SEMA5B: variants seen among roughly 807,000 people sequenced by gnomAD.
SEMA5B encodes semaphorin-5B.
A neutral mutation model predicts 135.0 loss-of-function variants in SEMA5B; 66 were observed. The observed-to-expected ratio is 0.49, with a 90% CI of 0.40 to 0.60. The LOEUF (loss-of-function observed/expected upper bound fraction) is 0.60, where lower values mean the gene tolerates loss of function less well. SEMA5B is among the 20% of genes least tolerant of loss of function. SEMA5B has a pLI of 0.00. For synonymous variants in SEMA5B, 690 were observed against 639.5 expected, an observed-to-expected ratio of 1.08 and a Z score of -1.19; for missense variants, 1,501 against 1,566.3, an observed-to-expected ratio of 0.96 and a Z score of 0.70.
Position 122,912,029 on chromosome 3 carries a change from G to T in SEMA5B, c.2937C>A (p.Asp979Glu). Reference sequence around the variant, plus strand: ...GCCGGCTTCGGCTCTGGGCTCCGTCGTCAGTGCACTTACTCCACTCAGACC... The same window carrying T: ...GCCGGCTTCGGCTCTGGGCTCCGTCTTCAGTGCACTTACTCCACTCAGACC... Reference protein sequence around the residue: ...SPWSEWSKCTDDGAQSRSRHC... With the variant: ...SPWSEWSKCTEDGAQSRSRHC... Residue 979 changes from aspartate to glutamate, a missense_variant, in exon 20 of 23, where the codon GAC (aspartate) becomes GAA (glutamate). Coordinates refer to ENST00000357599, the MANE Select transcript of SEMA5B (RefSeq NM_001031702.4). The T allele has an allele frequency of 6.2e-7, 1 of 1,613,826 alleles. No homozygotes were observed. The highest frequency in any genetic ancestry group is 1.3e-5 in the African/African-American group (1 of 75,050).
At position 122,922,036 on chromosome 3, in the gene SEMA5B, C is replaced by A. The variant is rs1349555736; in HGVS notation, c.1567G>T (p.Gly523Trp). Residue 523 changes from glycine to tryptophan, a missense_variant, in exon 12 of 23, where the codon GGG becomes TGG. Gly to Trp is a radical substitution (Grantham distance 184). Around this residue, in one of 2 missense-constraint regions of SEMA5B, gnomAD observed 927 missense variants for 881.6 expected, o/e 1.05. Coordinates refer to ENST00000357599, the MANE Select transcript of SEMA5B (RefSeq NM_001031702.4). The part of the protein sequence containing the change: ...YLEELHVLPP[G>W]RREPLRSLRI... ...AGGCTGCGCAGGGGCTCGCGGCGCC[C>A]GGGGGGCAGCACGTGCAGCTCCTCC... 5.3e-6 allele frequency: 8 copies of A among 1,496,656 alleles called. No individual in the cohort carries two copies. In the South Asian group the frequency reaches 9.3e-5, roughly 17 times the overall value. 92.7% of individuals were successfully genotyped at this position (1,496,656 alleles called of 1,614,324 possible).
chr3:123,023,055 G>T (rs1942724726), intron 1 of SEMA5B, among the ~76,000 whole-genome samples: 1 of 152,170 alleles, frequency 6.6e-6, no homozygotes, highest in African/African-American at 2.4e-5. Flanking sequence ...CAAACCAAAA[G>T]TCACAGAGAG....
chr3:122,968,410 G>A (rs1483233083), intron 1 of SEMA5B, among the ~76,000 whole-genome samples: 1 of 152,190 alleles, frequency 6.6e-6, no homozygotes, highest in Non-Finnish European at 1.5e-5. Context: ...CTCCCTAGAG[G>A]CAATGAACCT....
chr3:122,972,901 C>T (rs748080454), intron 1 of SEMA5B, among the ~76,000 whole-genome samples: 3 of 152,144 alleles, frequency 2.0e-5, no homozygotes, highest in South Asian at 2.1e-4. Context: ...CTTCCCACCC[C>T]GCAGCCTATC....
chr3:122,920,847 T>G (rs936347088), intron 12 of SEMA5B, among the ~76,000 whole-genome samples: 5 of 152,210 alleles, frequency 3.3e-5, no homozygotes, highest in African/African-American at 1.2e-4. Flanking sequence ...GGGAAATCAG[T>G]GTTCGGGGCC....
rs1178875220 is a variant in SEMA5B, at chr3:122,922,318, T to C, written c.1402A>G (p.Ser468Gly). Reference sequence around the variant, plus strand: ...ACCACGAGGTGTGAGAAGCGCACGCTGTCCTGGGTGACACAGGGCTCGGGT... The same window carrying C: ...ACCACGAGGTGTGAGAAGCGCACGCCGTCCTGGGTGACACAGGGCTCGGGT... ...VTPEPCVTQD[S>G]VRFSHLVVDL... is the part of the protein sequence containing the mutation. Residue 468 changes from serine to glycine, a missense_variant, in exon 11 of 23, where the codon AGC (serine) becomes GGC (glycine). Transcript: ENST00000357599. 6.2e-7 allele frequency: 1 copy of C among 1,613,930 alleles called. No homozygotes were observed. Among genetic ancestry groups the C allele is most frequent in the Non-Finnish European group, 8.5e-7 (1 of 1,179,944 alleles).
chr3:123,010,902 A>G (rs1942425617), intron 1 of SEMA5B, among the ~76,000 whole-genome samples: 1 of 152,062 alleles, frequency 6.6e-6, no homozygotes. Flanking sequence ...CACCACCCCA[A>G]ACCTCTACAG....
intron 1 of SEMA5B, among the ~76,000 whole-genome samples, chr3:123,020,478 T>C (rs1199412684): frequency 6.6e-6 from 1 of 152,254 alleles, no homozygotes; most frequent in Non-Finnish European, 1.5e-5. Context: ...AATCAGCTTA[T>C]AATAGAAAGT....
rs1024549577 is a variant in SEMA5B at position 122,909,521 on chromosome 3, A to G, written c.*622T>C. The G allele has an allele frequency of 1.3e-5, 2 of 152,948 alleles. No individual in the cohort carries two copies. Among genetic ancestry groups the G allele is most frequent in the African/African-American group, 2.4e-5 (1 of 41,470 alleles). 9.5% of individuals were successfully genotyped at this position (152,948 alleles called of 1,614,324 possible). On this transcript the variant is annotated 3_prime_UTR_variant, in exon 23 of 23. Coordinates refer to ENST00000357599, the MANE Select transcript of SEMA5B (RefSeq NM_001031702.4). ...GACTTCTAAGCACAGGTCAGCCTCC[A>G]GTTCCCAGTACTCACTGCCTCTGAC...
intron 2 of SEMA5B, among the ~76,000 whole-genome samples, chr3:122,960,588 T>C (rs1303607614): frequency 6.6e-6 from 1 of 152,160 alleles, no homozygotes; most frequent in Non-Finnish European, 1.5e-5. Context: ...CATCAACAGA[T>C]AAATGGATAC....
chr3:122,924,207 ACT>A (rs1334091118), intron 9 of SEMA5B, among the ~76,000 whole-genome samples: 1 of 152,084 alleles, frequency 6.6e-6, no homozygotes, highest in Non-Finnish European at 1.5e-5. Flanking sequence ...TTACCAAACC[ACT>A]GAGTTATGCC....
At chr3:123,027,915 G>C (rs2107864400), upstream of SEMA5B, 1 of 152,238 alleles carries the variant, frequency 6.6e-6, no homozygotes, top group Non-Finnish European at 1.5e-5. Context: ...CGAGGCGCGC[G>C]GAGGAGCGCG....
intron 1 of SEMA5B, among the ~76,000 whole-genome samples, chr3:123,002,846 T>C (rs1189680973): frequency 1.3e-5 from 2 of 152,214 alleles, no homozygotes; most frequent in East Asian, 3.8e-4. Context: ...AAACTTCAAG[T>C]AAACACACAG....
At chr3:122,962,077 T>C (rs1159544908) in intron 1 of SEMA5B, among the ~76,000 whole-genome samples, 1 of 152,214 alleles carries the variant, frequency 6.6e-6, no homozygotes, top group Non-Finnish European at 1.5e-5. Context: ...TCATCCAGGA[T>C]AATCTCCCTA....
At chr3:122,947,842 A>AC (rs544167010) in intron 3 of SEMA5B, among the ~76,000 whole-genome samples, 167 of 148,732 alleles carry the variant, frequency 1.1e-3, no homozygotes, top group African/African-American at 2.6e-3. Flanking sequence ...CACAACCATG[A>AC]CCCCCCCCAA....
At chr3:123,023,322 G>GCA (rs3080430) in intron 1 of SEMA5B, among the ~76,000 whole-genome samples, 22,723 of 143,766 alleles carry the variant, frequency 0.16, 2,739 homozygotes, top group African/African-American at 0.32. Flanking sequence ...ACTATTTCCA[G>GCA]CACACACACA....
chr3:122,997,367 C>A (rs543590704), intron 1 of SEMA5B, among the ~76,000 whole-genome samples: 1 of 152,096 alleles, frequency 6.6e-6, no homozygotes, highest in African/African-American at 2.4e-5. Flanking sequence ...ATCCTTCTTG[C>A]ATCTCCTCTC....
intron 1 of SEMA5B, among the ~76,000 whole-genome samples, chr3:122,979,240 C>G (rs1357346214): frequency 6.6e-6 from 1 of 152,158 alleles, no homozygotes; most frequent in Non-Finnish European, 1.5e-5. Context: ...GTGGAAAGAC[C>G]CGCCGAGGAG....
chr3:122,916,531 C>T (rs1184698338), intron 12 of SEMA5B, among the ~76,000 whole-genome samples: 1 of 152,204 alleles, frequency 6.6e-6, no homozygotes, highest in Non-Finnish European at 1.5e-5. Flanking sequence ...ACAACCTTTT[C>T]ATTGTACCAA....
Sources: allele counts gnomAD v4.1 joint callset (sites outside exome capture counted in the v4.1 genomes callset), GRCh38; gene constraint gnomAD v4.1.1; regional missense constraint gnomAD v4.1.1; transcripts MANE v1.5; gene names NCBI Gene and HGNC (gene_info 2026-07-23, HGNC 2026-07-21).